KCNE2: variants seen among roughly 807,000 people sequenced by gnomAD.
KCNE2 encodes potassium voltage-gated channel subfamily E member 2.
A neutral mutation model predicts 4.5 loss-of-function variants in KCNE2; 4 were observed. The observed-to-expected ratio is 0.89, with a 90% CI of 0.44 to 2.03. The LOEUF is 2.03. KCNE2 is among the 30% of genes most tolerant of loss of function. KCNE2 has a pLI of 0.03. For missense variants in KCNE2, 137 were observed against 151.4 expected (o/e 0.90, Z 0.50); for synonymous variants, 57 against 55.9 (o/e 1.02, Z -0.09).
chr21:34,365,438 G>T (rs745571408), intron 1 of KCNE2, among the ~76,000 whole-genome samples: 14 of 152,064 alleles, frequency 9.2e-5, no homozygotes, highest in South Asian at 8.3e-4. Flanking sequence ...GGTTTGTTTC[G>T]ATTTGATTTT....
Position 34,370,653 on chromosome 21 carries a change from A to C in KCNE2, c.175A>C (p.Met59Leu), listed in dbSNP as rs770739581. 1.9e-6 allele frequency: 3 copies of C among 1,614,116 alleles called. No homozygotes were observed. The highest frequency in any genetic ancestry group is 1.7e-6 in the Non-Finnish European group (2 of 1,180,060). ...CCTGTACCTCATGGTGATGATTGGA[A>C]TGTTCTCTTTCATCATCGTGGCCAT... ...VILYLMVMIG[M>L]FSFIIVAILV... Residue 59 changes from methionine to leucine, a missense_variant, in exon 2 of 2, where the codon ATG (methionine) becomes CTG (leucine). Transcript: ENST00000290310.
intron 1 of KCNE2, among the ~76,000 whole-genome samples, chr21:34,367,241 A>G (rs968089359): frequency 3.6e-4 from 55 of 151,734 alleles, no homozygotes; most frequent in African/African-American, 1.2e-3. Context: ...CAGGGGGATC[A>G]CTTGAGCCTA....
At chr21:34,366,714 T>G (rs1191798417) in intron 1 of KCNE2, among the ~76,000 whole-genome samples, 1 of 151,960 alleles carries the variant, frequency 6.6e-6, no homozygotes, top group Non-Finnish European at 1.5e-5. Context: ...GCACGGTGGC[T>G]CACGCCTGTA....
chr21:34,370,379 G>C, intron 1 of KCNE2, 88 bp from the exon 2 acceptor site: 3 of 1,479,514 alleles, frequency 2.0e-6, no homozygotes, highest in Non-Finnish European at 2.8e-6. Context: ...CTTATACCCT[G>C]GCATCTCCCT....
At chr21:34,365,662 C>T (rs933594719) in intron 1 of KCNE2, among the ~76,000 whole-genome samples, 32 of 152,206 alleles carry the variant, frequency 2.1e-4, no homozygotes, top group African/African-American at 6.5e-4. Flanking sequence ...TGGGTTCAAG[C>T]GATCCTCCCA....
chr21:34,366,790 T>C (rs185579720), intron 1 of KCNE2, among the ~76,000 whole-genome samples: 262 of 151,002 alleles, frequency 1.7e-3, no homozygotes, highest in South Asian at 3.1e-3. Flanking sequence ...CCATCCTGGC[T>C]AACATGGTGA....
chr21:34,365,190 C>T (rs1476510738), intron 1 of KCNE2, among the ~76,000 whole-genome samples: 1 of 152,174 alleles, frequency 6.6e-6, no homozygotes, highest in African/African-American at 2.4e-5. Context: ...GCAAACCAGC[C>T]TAAATGATCT....
In KCNE2 at chr21:34,370,402, T is replaced by G. The variant is rs767642533; in HGVS notation, c.-12-65T>G. The G allele has an allele frequency of 3.7e-5, 60 of 1,605,016 alleles. 1 individual carries two copies. The highest frequency in any genetic ancestry group is 2.2e-4 in the South Asian group (20 of 90,424). ...CTGGCATCTCCCTCCCACCTTTACA[T>G]AGCCAAATCCAGAAAAGATCCGTTT... On this transcript the variant is annotated intron_variant, in intron 1 of 1. Coordinates refer to ENST00000290310, the MANE Select transcript of KCNE2 (RefSeq NM_172201.2).
chr21:34,364,772 C>CA lies in KCNE2; in HGVS notation c.-13+635dup, dbSNP rs60945367. 1.0e-3 allele frequency among the ~76,000 whole-genome samples: 138 copies of CA among 135,192 alleles called. 1 individual carries two copies. The East Asian group carries it at 0.011, about 11-fold the overall frequency. 88.7% of individuals were successfully genotyped at this position (135,192 alleles called of 152,430 possible). On this transcript the variant is annotated intron_variant, in intron 1 of 1. Transcript: ENST00000290310. ...TGGGCGACAGAGTGAGACTCCATCT[C>CA]AAAAAAAAAAAAAAGAAAGAAAAGA... is the stretch of plus-strand genomic sequence containing the variant.
At chr21:34,370,387 C>T in intron 1 of KCNE2, 80 bp from the exon 2 acceptor site, 1 of 1,552,688 alleles carries the variant, frequency 6.4e-7, no homozygotes, top group African/African-American at 1.4e-5. Flanking sequence ...CTGGCATCTC[C>T]CTCCCACCTT....
At chr21:34,364,695 C>A (rs370271626) in intron 1 of KCNE2, among the ~76,000 whole-genome samples, 1 of 151,824 alleles carries the variant, frequency 6.6e-6, no homozygotes, top group East Asian at 1.9e-4. Context: ...ACGGCATGAA[C>A]CCGGGAGGTG....
chr21:34,367,659 G>T (rs922533269), intron 1 of KCNE2, among the ~76,000 whole-genome samples: 1 of 152,214 alleles, frequency 6.6e-6, no homozygotes, highest in Non-Finnish European at 1.5e-5. Flanking sequence ...GTGGGAGAAT[G>T]CCTGCAAGTT....
At chr21:34,366,186 A>G (rs964412620) in intron 1 of KCNE2, among the ~76,000 whole-genome samples, 2 of 152,188 alleles carry the variant, frequency 1.3e-5, no homozygotes, top group Admixed American at 1.3e-4. Context: ...GGAATTCAGC[A>G]CTGAAGTCCC....
At position 34,370,892 on chromosome 21, in the gene KCNE2, T is replaced by C; in HGVS notation, c.*42T>C. ...CAAGCTAACATCTGACGTCCAGACA[T>C]GAAGAGATGCCAGTGCCACGAGGCA... is the stretch of plus-strand genomic sequence containing the variant. On this transcript the variant is annotated 3_prime_UTR_variant, in exon 2 of 2. Coordinates refer to ENST00000290310, the MANE Select transcript of KCNE2 (RefSeq NM_172201.2). The C allele has an allele frequency of 6.2e-7, 1 of 1,612,248 alleles. No homozygotes were observed. Among genetic ancestry groups the C allele is most frequent in the East Asian group, 2.2e-5 (1 of 44,882 alleles).
chr21:34,370,671 G>C lies in KCNE2; in HGVS notation c.193G>C (p.Val65Leu), dbSNP rs199473364. The stretch of plus-strand genomic sequence containing the variant: ...GATTGGAATGTTCTCTTTCATCATC[G>C]TGGCCATCCTGGTGAGCACTGTGAA... ...VMIGMFSFII[V>L]AILVSTVKSK... Residue 65 changes from valine (V) to leucine (L), a missense_variant, in exon 2 of 2, where the codon GTG (valine) becomes CTG (leucine). Physicochemically the swap from Val to Leu is conservative, Grantham distance 32. Coordinates refer to ENST00000290310, the MANE Select transcript of KCNE2 (RefSeq NM_172201.2). The C allele has an allele frequency of 4.3e-6, 7 of 1,613,934 alleles. No homozygotes were observed. The Admixed American group carries it at 1.2e-4, about 27-fold the overall frequency.
intron 1 of KCNE2, among the ~76,000 whole-genome samples, chr21:34,368,723 T>A (rs570834791): frequency 1.3e-5 from 2 of 152,342 alleles, no homozygotes; most frequent in South Asian, 4.1e-4. Context: ...AAACAGAATA[T>A]AAATGAGTCA....
chr21:34,368,252 A>ATATGTATGT (rs1555836810), intron 1 of KCNE2, among the ~76,000 whole-genome samples: 4 of 105,416 alleles, frequency 3.8e-5, no homozygotes, highest in African/African-American at 8.8e-5. Context: ...ATATATATAT[A>ATATGTATGT]TATATATATG....
chr21:34,368,238 ATATATATATATATATATATATATG>A (rs1979411267), intron 1 of KCNE2, among the ~76,000 whole-genome samples: 1 of 107,124 alleles, frequency 9.3e-6, no homozygotes, highest in African/African-American at 4.3e-5. Context: ...CAATATATAT[ATATATATATATATATATATATATG>A]TATGTTATAT....
intron 1 of KCNE2, among the ~76,000 whole-genome samples, chr21:34,367,593 A>G (rs141650576): frequency 2.0e-5 from 3 of 152,342 alleles, no homozygotes; most frequent in East Asian, 1.9e-4. Context: ...AGAGAAGAGT[A>G]TATTATCTTG....
Sources: allele counts gnomAD v4.1 joint callset (sites outside exome capture counted in the v4.1 genomes callset), GRCh38; gene constraint gnomAD v4.1.1; transcripts MANE v1.5; gene names NCBI Gene and HGNC (gene_info 2026-07-23, HGNC 2026-07-21).